Variants in CTDSPL2 observed in about 807,000 individuals in gnomAD.
The protein encoded by CTDSPL2 is CTD small phosphatase-like protein 2.
A neutral mutation model predicts 60.0 loss-of-function variants in CTDSPL2; 5 were observed. The ratio of observed to expected loss-of-function variants is 0.08; its 90% CI spans 0.04 to 0.18. The LOEUF is 0.18. Among genes scored for constraint, CTDSPL2 ranks in the 10% least tolerant of loss-of-function variants. CTDSPL2 has a pLI of 1.00. For missense variants in CTDSPL2, 370 were observed against 548.8 expected, an observed-to-expected ratio of 0.67 and a Z score of 3.26; for synonymous variants, 186 against 189.3, an observed-to-expected ratio of 0.98 and a Z score of 0.14.
chr15:44,502,132 C>CTT (rs144086133), intron 8 of CTDSPL2: 21,962 of 225,452 alleles, frequency 0.097, 1,481 homozygotes, highest in Non-Finnish European at 0.14. Flanking sequence ...TGCATATACT[C>CTT]TTATTTTTTA....
intron 3 of CTDSPL2, 123 bp from the exon 4 acceptor site, chr15:44,486,428 A>G (rs1268879575): frequency 1.5e-6 from 1 of 655,158 alleles, no homozygotes; most frequent in Non-Finnish European, 2.4e-6. Context: ...GAACATTAAC[A>G]TTAATTAGCT....
intron 8 of CTDSPL2, among the ~76,000 whole-genome samples, chr15:44,512,031 C>T (rs918911891): frequency 6.6e-6 from 1 of 151,670 alleles, no homozygotes; most frequent in Non-Finnish European, 1.5e-5. Flanking sequence ...CCCATCTCTA[C>T]CAAAAAAAAA....
chr15:44,505,993 T>C (rs1231126469), intron 8 of CTDSPL2, among the ~76,000 whole-genome samples: 3 of 151,792 alleles, frequency 2.0e-5, no homozygotes, highest in Non-Finnish European at 4.4e-5. Context: ...ATGGCCAATT[T>C]TTCCCTGATG....
chr15:44,490,854 A>C lies in CTDSPL2; in HGVS notation c.546A>C (p.Glu182Asp). Residue 182 changes from glutamate (E) to aspartate (D), a missense_variant, in exon 5 of 13, where the codon GAA (glutamate) becomes GAC (aspartate). Coordinates refer to ENST00000260327, the MANE Select transcript of CTDSPL2 (RefSeq NM_016396.3). ...AEEIVKQLDM[E>D]QVDEITTSTT... The stretch of plus-strand genomic sequence containing the variant: ...AAATAGTAAAACAACTTGATATGGA[A>C]CAGGTGGATGAGATCACTACCAGTA... 1 of 1,613,962 alleles carries C rather than the reference A, an allele frequency of 6.2e-7. No individual in the cohort carries two copies. Among genetic ancestry groups the C allele is most frequent in the Non-Finnish European group, 8.5e-7 (1 of 1,179,992 alleles).
chr15:44,451,918 A>G (rs1282018249), intron 1 of CTDSPL2, among the ~76,000 whole-genome samples: 14 of 152,192 alleles, frequency 9.2e-5, no homozygotes, highest in Admixed American at 9.2e-4. Flanking sequence ...GATCGGACCA[A>G]TCATGAGCCC....
At chr15:44,477,793 G>A (rs866516070) in intron 2 of CTDSPL2, among the ~76,000 whole-genome samples, 5 of 151,940 alleles carry the variant, frequency 3.3e-5, no homozygotes, top group Admixed American at 2.6e-4. Flanking sequence ...AGCCAAGATC[G>A]TGCCATTGCA....
intron 2 of CTDSPL2, among the ~76,000 whole-genome samples, chr15:44,475,857 T>A (rs1305974681): frequency 2.0e-5 from 3 of 152,202 alleles, no homozygotes; most frequent in Non-Finnish European, 4.4e-5. Flanking sequence ...AAGACAACCT[T>A]ATGCAGCCAA....
chr15:44,448,062 GC>G, intron 1 of CTDSPL2: 1 of 242,918 alleles, frequency 4.1e-6, no homozygotes, highest in Non-Finnish European at 8.4e-6. Context: ...TGTGCTCCAG[GC>G]CAGTGGCCAT....
chr15:44,437,597 C>T (rs942866965), intron 1 of CTDSPL2, among the ~76,000 whole-genome samples: 3 of 152,240 alleles, frequency 2.0e-5, no homozygotes, highest in South Asian at 2.1e-4. Flanking sequence ...TTCAGTGATA[C>T]GGTCTCCTTC....
intron 5 of CTDSPL2, among the ~76,000 whole-genome samples, chr15:44,491,991 G>A (rs1238272452): frequency 6.6e-6 from 1 of 152,100 alleles, no homozygotes; most frequent in East Asian, 1.9e-4. Context: ...AGCCTCCTGA[G>A]TAGCTGGGAT....
intron 8 of CTDSPL2, among the ~76,000 whole-genome samples, chr15:44,511,513 T>G (rs1484291572): frequency 6.6e-6 from 1 of 152,188 alleles, no homozygotes; most frequent in Non-Finnish European, 1.5e-5. Flanking sequence ...GCCCTGCTTA[T>G]CTTAGTTTAC....
At chr15:44,522,258 T>C (rs567830417) in intron 12 of CTDSPL2, among the ~76,000 whole-genome samples, 11 of 152,258 alleles carry the variant, frequency 7.2e-5, no homozygotes, top group African/African-American at 2.4e-4. Flanking sequence ...GGTCTTGAAC[T>C]CATGGGCTCA....
At chr15:44,441,760 G>C (rs2080091775) in intron 1 of CTDSPL2, among the ~76,000 whole-genome samples, 1 of 151,970 alleles carries the variant, frequency 6.6e-6, no homozygotes, top group African/African-American at 2.4e-5. Context: ...TTTTTTTGTT[G>C]TTAGGCTGGT....
intron 1 of CTDSPL2, among the ~76,000 whole-genome samples, chr15:44,453,943 T>C (rs2080383160): frequency 6.6e-6 from 1 of 152,236 alleles, no homozygotes; most frequent in Non-Finnish European, 1.5e-5. Context: ...ATTTACCCAG[T>C]AATGGGATAG....
rs1322791277 is a variant in CTDSPL2 at position 44,486,657 on chromosome 15, A to G, written c.432A>G (p.Ile144Met). 2.5e-6 allele frequency: 4 copies of G among 1,592,224 alleles called. No individual in the cohort carries two copies. The highest frequency in any genetic ancestry group is 2.6e-6 in the Non-Finnish European group (3 of 1,172,654). The change falls in exon 4 of 13, where the codon ATA (isoleucine) becomes ATG (methionine). Residue 144 changes from isoleucine to methionine, a missense_variant. Ile to Met is a conservative substitution (Grantham distance 10). This residue lies in a region of CTDSPL2 where 287 missense variants were observed against 296.1 expected (regional missense o/e 0.97). Coordinates refer to ENST00000260327, the MANE Select transcript of CTDSPL2 (RefSeq NM_016396.3). ...CAAGGACTACTTTGTTGGGGACCATATTTTCACCTGTCTTCAACTTTTTTT... is the reference window on the plus strand; with the variant it reads ...CAAGGACTACTTTGTTGGGGACCATGTTTTCACCTGTCTTCAACTTTTTTT... ...SPPRTTLLGT[I>M]FSPVFNFFSP...
At position 44,441,244 on chromosome 15, in the gene CTDSPL2, C is replaced by T. The variant is rs191870663; in HGVS notation, c.-25+13472C>T. 9.1e-4 allele frequency among the ~76,000 whole-genome samples: 138 copies of T among 152,262 alleles called. No individual in the cohort carries two copies. The South Asian group carries it at 0.013, about 14-fold the overall frequency. The stretch of plus-strand genomic sequence containing the variant: ...AGAGTTTTTTTTTCTTTCACTCCCC[C>T]GCATTCACTTGTGCCTTGCGGGTAA... On this transcript the variant is annotated intron_variant, in intron 1 of 12. Transcript: ENST00000260327.
chr15:44,499,278 G>C (rs1200805755), intron 7 of CTDSPL2, among the ~76,000 whole-genome samples: 1 of 152,076 alleles, frequency 6.6e-6, no homozygotes, highest in African/African-American at 2.4e-5. Flanking sequence ...GATTGCTGGC[G>C]CCTGTAATCC....
In CTDSPL2 at chr15:44,526,734, TTCCATTTAGTTAA is replaced by T. The variant is rs1276289088; in HGVS notation, c.*2563_*2575del. ...TTATCTGTTGGTAGATGTAAAAAAC[TTCCATTTAGTTAA>T]TCGGAGGTGTGTATTTTTTAAATTG... is the stretch of plus-strand genomic sequence containing the variant. On this transcript the variant is annotated 3_prime_UTR_variant, in exon 13 of 13. Coordinates refer to ENST00000260327, the MANE Select transcript of CTDSPL2 (RefSeq NM_016396.3). The T allele has an allele frequency of 6.6e-6, 1 of 152,126 alleles. No homozygotes were observed. The highest frequency in any genetic ancestry group is 1.5e-5 in the Non-Finnish European group (1 of 67,962). 9.4% of individuals were successfully genotyped at this position (152,126 alleles called of 1,614,324 possible). A position where few individuals can be genotyped will look rare whatever the true frequency, so the allele number is the denominator to read the frequency against.
chr15:44,455,548 G>T (rs1195196655), intron 1 of CTDSPL2, among the ~76,000 whole-genome samples: 1 of 151,924 alleles, frequency 6.6e-6, no homozygotes, highest in South Asian at 2.1e-4. Flanking sequence ...TATGATATTG[G>T]CTGTGGGTTT....
Sources: allele counts gnomAD v4.1 joint callset (sites outside exome capture counted in the v4.1 genomes callset), GRCh38; gene constraint gnomAD v4.1.1; regional missense constraint gnomAD v4.1.1; transcripts MANE v1.5; gene names NCBI Gene and HGNC (gene_info 2026-07-23, HGNC 2026-07-21).